Variants in MCTP1 observed in about 807,000 individuals in gnomAD.
The protein encoded by MCTP1 is multiple C2 and transmembrane domain containing 1.
A neutral mutation model predicts 120.6 loss-of-function variants in MCTP1; 69 were observed. That is an observed-to-expected ratio of 0.57 (90% CI 0.47 to 0.70). MCTP1 has a LOEUF of 0.70. Among genes scored for constraint, MCTP1 ranks in the 30% least tolerant of loss-of-function variants. The pLI, the probability that MCTP1 is intolerant of heterozygous loss-of-function variation, is 0.00. For missense variants in MCTP1, 1,203 were observed against 1,248.8 expected (o/e 0.96, Z 0.55); for synonymous variants, 529 against 493.1 (o/e 1.07, Z -0.96).
At chr5:95,000,272 A>T (rs1833417374) in intron 2 of MCTP1, among the ~76,000 whole-genome samples, 1 of 152,122 alleles carries the variant, frequency 6.6e-6, no homozygotes, top group Non-Finnish European at 1.5e-5. Flanking sequence ...AATGATAACA[A>T]CTAGGTTACT....
chr5:95,004,372 T>A (rs1834270567), intron 2 of MCTP1, among the ~76,000 whole-genome samples: 1 of 152,214 alleles, frequency 6.6e-6, no homozygotes, highest in Admixed American at 6.5e-5. Context: ...ATCCATTTTC[T>A]GGGGAAGAAT....
At chr5:94,863,662 T>C (rs569470586) in intron 17 of MCTP1, among the ~76,000 whole-genome samples, 2 of 151,970 alleles carry the variant, frequency 1.3e-5, no homozygotes, top group South Asian at 2.1e-4. Flanking sequence ...CGGTTTGTAA[T>C]AACTTTTTAA....
chr5:94,827,950 T>C (rs1167737525), intron 17 of MCTP1, among the ~76,000 whole-genome samples: 1 of 152,056 alleles, frequency 6.6e-6, no homozygotes. Context: ...TTACCCACCT[T>C]CTGAAGCCTA....
At chr5:94,974,784 A>G (rs1268586219) in intron 2 of MCTP1, among the ~76,000 whole-genome samples, 1 of 152,166 alleles carries the variant, frequency 6.6e-6, no homozygotes, top group African/African-American at 2.4e-5. Flanking sequence ...AGCTAAAACC[A>G]TAAGTAATAA....
Position 94,873,252 on chromosome 5 carries a change from T to C in MCTP1, c.1934-11A>G. ...ATGGGTCACTTTTTCCTACAAGAGA[T>C]TTTTGGTAAATATTTTTAGTGTACA... On this transcript the variant is annotated splice_polypyrimidine_tract_variant and intron_variant, in intron 12 of 22. Coordinates refer to ENST00000515393, the MANE Select transcript of MCTP1 (RefSeq NM_024717.7). 1 of 1,520,336 alleles carries C rather than the reference T, an allele frequency of 6.6e-7. No individual in the cohort carries two copies. Among genetic ancestry groups the C allele is most frequent in the Non-Finnish European group, 9.1e-7 (1 of 1,095,752 alleles). 94.2% of individuals were successfully genotyped at this position (1,520,336 alleles called of 1,614,324 possible). A position where few individuals can be genotyped will look rare whatever the true frequency, so the allele number is the denominator to read the frequency against.
chr5:95,060,086 C>T (rs1433728976), intron 1 of MCTP1, among the ~76,000 whole-genome samples: 1 of 152,164 alleles, frequency 6.6e-6, no homozygotes, highest in Admixed American at 6.5e-5. Flanking sequence ...GATCCCAAGC[C>T]TGGGGCTATT....
intron 1 of MCTP1, among the ~76,000 whole-genome samples, chr5:95,120,736 T>C (rs940250555): frequency 1.3e-5 from 2 of 152,206 alleles, no homozygotes; most frequent in Admixed American, 1.3e-4. Context: ...TAATACTGAA[T>C]GGGGAAAAAC....
At chr5:95,069,588 T>A (rs1050384144) in intron 1 of MCTP1, among the ~76,000 whole-genome samples, 3 of 152,108 alleles carry the variant, frequency 2.0e-5, no homozygotes, top group Non-Finnish European at 4.4e-5. Flanking sequence ...CATACAAGTA[T>A]AACGAAGGCA....
At chr5:94,841,424 T>TA (rs1346660006) in intron 17 of MCTP1, among the ~76,000 whole-genome samples, 1 of 152,196 alleles carries the variant, frequency 6.6e-6, no homozygotes, top group Non-Finnish European at 1.5e-5. Flanking sequence ...TGTTGCTACT[T>TA]ACCATTTCAT....
Position 94,731,308 on chromosome 5 carries a change from C to T in MCTP1, c.2611-16422G>A, listed in dbSNP as rs547869961. ...CCAGGGAAGTCAAAAGATTGGACAC[C>T]CCGATTCTAAAGGTTTGTGTATTTC... On this transcript the variant is annotated intron_variant, in intron 19 of 22. Coordinates refer to ENST00000515393, the MANE Select transcript of MCTP1 (RefSeq NM_024717.7). 2.6e-5 allele frequency among the ~76,000 whole-genome samples: 4 copies of T among 152,116 alleles called. No individual in the cohort carries two copies. In the South Asian group the frequency reaches 8.3e-4, roughly 32 times the overall value.
chr5:95,006,972 C>T (rs1436846166), intron 2 of MCTP1, among the ~76,000 whole-genome samples: 2 of 152,068 alleles, frequency 1.3e-5, no homozygotes, highest in East Asian at 3.9e-4. Context: ...TCTCATGCTG[C>T]TAATAAAGAC....
chr5:94,840,631 A>C lies in MCTP1; in HGVS notation c.2436+27702T>G, dbSNP rs1226731011. 3.9e-5 allele frequency among the ~76,000 whole-genome samples: 6 copies of C among 152,158 alleles called. No homozygotes were observed. The East Asian group carries it at 1.2e-3, about 29-fold the overall frequency. ...GGAAAAGATCTCACACTTAGTAATC[A>C]AAGAGCTGGATTTATCAGGGCTTAC... is the stretch of plus-strand genomic sequence containing the variant. On this transcript the variant is annotated intron_variant, in intron 17 of 22. Coordinates refer to ENST00000515393, the MANE Select transcript of MCTP1 (RefSeq NM_024717.7).
intron 2 of MCTP1, among the ~76,000 whole-genome samples, chr5:94,954,175 T>TATGC: frequency 1.1e-5 from 1 of 89,628 alleles, no homozygotes; most frequent in African/African-American, 5.1e-5. Context: ...TATACATATA[T>TATGC]ATATATGCAT....
intron 1 of MCTP1, among the ~76,000 whole-genome samples, chr5:95,163,262 T>C (rs1489213755): frequency 6.6e-6 from 1 of 152,192 alleles, no homozygotes; most frequent in Non-Finnish European, 1.5e-5. Context: ...AACTGTTGAA[T>C]AGACAAGGCC....
intron 2 of MCTP1, among the ~76,000 whole-genome samples, chr5:94,973,252 C>A (rs762237326): frequency 6.6e-6 from 1 of 152,168 alleles, no homozygotes; most frequent in Non-Finnish European, 1.5e-5. Flanking sequence ...TACTTCATTA[C>A]ACTGTGATGC....
intron 19 of MCTP1, among the ~76,000 whole-genome samples, chr5:94,771,437 GA>G (rs1774053026): frequency 6.6e-6 from 1 of 152,240 alleles, no homozygotes; most frequent in South Asian, 2.1e-4. Context: ...TTCTTCAGCT[GA>G]AAAATGAAGA....
At chr5:94,958,444 C>T (rs1280032272) in intron 2 of MCTP1, among the ~76,000 whole-genome samples, 4 of 151,418 alleles carry the variant, frequency 2.6e-5, no homozygotes, top group Admixed American at 1.3e-4. Context: ...GAGATAGAGA[C>T]ATGAAAAACC....
At chr5:95,118,912 A>C (rs1758006421) in intron 1 of MCTP1, among the ~76,000 whole-genome samples, 1 of 152,232 alleles carries the variant, frequency 6.6e-6, no homozygotes, top group African/African-American at 2.4e-5. Context: ...CTAAAGAGAG[A>C]AATAGACTCC....
At chr5:94,919,025 C>T (rs1810877560) in intron 7 of MCTP1, among the ~76,000 whole-genome samples, 1 of 152,090 alleles carries the variant, frequency 6.6e-6, no homozygotes, top group South Asian at 2.1e-4. Context: ...CTAAGAAATT[C>T]ATGGTACAAC....
Sources: gnomAD v4.1 joint callset for allele counts (sites outside exome capture counted in the v4.1 genomes callset) on GRCh38, gnomAD v4.1.1 for gene constraint, MANE v1.5 for transcripts, NCBI Gene and HGNC (gene_info 2026-07-23, HGNC 2026-07-21) for gene names.